The following HHIPL1 variants were observed in gnomAD, a reference collection of about 807,000 sequenced individuals.
HHIPL1 encodes HHIP like 1.
In HHIPL1, 43 loss-of-function variants were observed where a neutral mutation model predicts 61.8. The observed-to-expected ratio is 0.70, with a 90% CI of 0.55 to 0.90. HHIPL1 has a LOEUF of 0.90. Ranked by LOEUF, HHIPL1 falls within the 40% of genes least tolerant of loss-of-function variation. The probability of loss-of-function intolerance (pLI) is 0.00; values close to 1 mark genes in which losing one functional copy is unlikely to be tolerated. For missense variants in HHIPL1, 1,056 were observed against 1,157.7 expected (o/e 0.91, Z 1.28); for synonymous variants, 482 against 515.8 (o/e 0.93, Z 0.89).
chr14:99,634,514 T>C, the HHIPL1 span, among the ~76,000 whole-genome samples: 1 of 152,200 alleles, frequency 6.6e-6, no homozygotes, highest in Non-Finnish European at 1.5e-5. Flanking sequence ...ATGTGGCATT[T>C]CCCATACTTC....
At chr14:99,616,668 T>TA in the HHIPL1 span, among the ~76,000 whole-genome samples, 1 of 152,176 alleles carries the variant, frequency 6.6e-6, no homozygotes, top group South Asian at 2.1e-4. Flanking sequence ...TTGGTTTTTT[T>TA]AAAAAATAAG....
intron 2 of HHIPL1, among the ~76,000 whole-genome samples, chr14:99,654,251 G>C (rs2055990946): frequency 6.6e-6 from 1 of 152,012 alleles, no homozygotes; most frequent in Non-Finnish European, 1.5e-5. Context: ...GCGACTCTGA[G>C]GTTAAAAACT....
chr14:99,610,010 G>GC, the HHIPL1 span, among the ~76,000 whole-genome samples: 6,508 of 152,268 alleles, frequency 0.043, 207 homozygotes, highest in Non-Finnish European at 0.066. Context: ...GCAGGCCAGA[G>GC]CCAGAGCCAA....
At chr14:99,648,472 A>G (rs985452778) in intron 1 of HHIPL1, among the ~76,000 whole-genome samples, 3 of 152,168 alleles carry the variant, frequency 2.0e-5, no homozygotes, top group African/African-American at 7.2e-5. Flanking sequence ...GCTTTGCCAC[A>G]CTGCCTCCCT....
chr14:99,657,742 CACACACAA>C (rs1595157276), intron 3 of HHIPL1, among the ~76,000 whole-genome samples: 3 of 150,936 alleles, frequency 2.0e-5, no homozygotes, highest in East Asian at 3.9e-4. Context: ...TACACACATA[CACACACAA>C]ACACACATAC....
At chr14:99,621,239 C>T in the HHIPL1 span, among the ~76,000 whole-genome samples, 1 of 152,192 alleles carries the variant, frequency 6.6e-6, no homozygotes. Flanking sequence ...GCTGGGGCTA[C>T]AGGCAGGTAC....
At chr14:99,625,661 C>T in the HHIPL1 span, 2 of 152,186 alleles carry the variant, frequency 1.3e-5, no homozygotes, top group Non-Finnish European at 2.9e-5. Context: ...GCAGCCTCTC[C>T]AATGCCCATC....
Position 99,668,796 on chromosome 14 carries a change from C to G in HHIPL1, c.1730+493C>G, listed in dbSNP as rs201689194. The G allele has an allele frequency of 2.5e-6, 4 of 1,609,912 alleles. No homozygotes were observed. The highest frequency in any genetic ancestry group is 3.4e-6 in the Non-Finnish European group (4 of 1,179,498). ...CACTGGGGAAAACACATTGGGGCTC[C>G]CTTCGCCGGCTCCATCTCCCCGGCT... On this transcript the variant is annotated intron_variant, in intron 7 of 8. Coordinates refer to ENST00000330710, the MANE Select transcript of HHIPL1 (RefSeq NM_001127258.3). The surrounding 1 kb of genome is among the most constrained non-coding windows in gnomAD (Gnocchi z 4.7).
At chr14:99,635,269 C>A in the HHIPL1 span, among the ~76,000 whole-genome samples, 1 of 152,144 alleles carries the variant, frequency 6.6e-6, no homozygotes, top group African/African-American at 2.4e-5. Context: ...CGCCTGCCGT[C>A]CTGAGTGGGA....
intron 8 of HHIPL1, among the ~76,000 whole-genome samples, chr14:99,672,975 T>C (rs11160537): frequency 0.89 from 134,971 of 152,254 alleles, 62,129 homozygotes; most frequent in Non-Finnish European, 1. Context: ...ACACGTGCCC[T>C]GCCCTGGGGA....
At chr14:99,659,214 A>C (rs1277125368) in intron 3 of HHIPL1, among the ~76,000 whole-genome samples, 1 of 152,224 alleles carries the variant, frequency 6.6e-6, no homozygotes, top group Non-Finnish European at 1.5e-5. Context: ...GGCCTGGCGC[A>C]CAGGAAGGTG....
chr14:99,635,421 G>A, the HHIPL1 span, among the ~76,000 whole-genome samples: 1 of 152,162 alleles, frequency 6.6e-6, no homozygotes, highest in Non-Finnish European at 1.5e-5. Context: ...AATCAGATGC[G>A]GGGTGGGGGT....
At chr14:99,672,461 G>A in intron 8 of HHIPL1, 62 bp downstream of exon 8, 3 of 1,390,280 alleles carry the variant, frequency 2.2e-6, no homozygotes, top group Non-Finnish European at 3.0e-6. Flanking sequence ...CACAACGGCT[G>A]CCTTTCCAGC....
the HHIPL1 span, among the ~76,000 whole-genome samples, chr14:99,605,592 CCT>C: frequency 6.6e-6 from 1 of 152,348 alleles, no homozygotes; most frequent in East Asian, 1.9e-4. Flanking sequence ...ACCGAACTGC[CCT>C]CTGCGGGGGA....
intron 6 of HHIPL1, among the ~76,000 whole-genome samples, chr14:99,663,494 G>A (rs949995256): frequency 6.6e-5 from 10 of 152,140 alleles, no homozygotes; most frequent in Admixed American, 3.3e-4. Context: ...ACCAGAGGCC[G>A]TCTTGGTTGT....
chr14:99,604,566 G>C, the HHIPL1 span: 1 of 152,166 alleles, frequency 6.6e-6, no homozygotes, highest in East Asian at 1.9e-4. Flanking sequence ...TGCGCCCGGA[G>C]GACGCGGCCT....
upstream of HHIPL1, among the ~76,000 whole-genome samples, chr14:99,642,979 T>C (rs1257228384): frequency 2.0e-5 from 3 of 152,192 alleles, no homozygotes; most frequent in African/African-American, 7.2e-5. Flanking sequence ...TTAAATTCCA[T>C]GTCTGGTAAT....
At chr14:99,664,937 T>C (rs2056218357) in intron 6 of HHIPL1, among the ~76,000 whole-genome samples, 1 of 148,316 alleles carries the variant, frequency 6.7e-6, no homozygotes, top group Non-Finnish European at 1.5e-5. Flanking sequence ...TTTCCAAGAC[T>C]GAGCTTCGCT....
At chr14:99,630,116 T>C in the HHIPL1 span, among the ~76,000 whole-genome samples, 1 of 152,224 alleles carries the variant, frequency 6.6e-6, no homozygotes, top group Non-Finnish European at 1.5e-5. Flanking sequence ...GGAAAGCTAG[T>C]ATTGGCTGAG....
Sources: allele counts gnomAD v4.1 joint callset (sites outside exome capture counted in the v4.1 genomes callset), GRCh38; gene constraint gnomAD v4.1.1; non-coding constraint Gnocchi (gnomAD v3.1); transcripts MANE v1.5; gene names NCBI Gene and HGNC (gene_info 2026-07-23, HGNC 2026-07-21).